Variants in ZNF775 observed in about 807,000 individuals in gnomAD.
The protein encoded by ZNF775 is zinc finger protein 775.
ZNF775 carries 1 observed loss-of-function variant against 2.4 expected under a neutral mutation model. That is an observed-to-expected ratio of 0.41 (90% CI 0.15 to 1.94). The LOEUF (loss-of-function observed/expected upper bound fraction) is 1.94. ZNF775 is among the 30% of genes most tolerant of loss of function. The probability of loss-of-function intolerance (pLI) is 0.30; values close to 1 mark genes in which losing one functional copy is unlikely to be tolerated. For synonymous variants in ZNF775, 381 were observed against 373.3 expected, an observed-to-expected ratio of 1.02 and a Z score of -0.24; for missense variants, 823 against 826.6, an observed-to-expected ratio of 1.00 and a Z score of 0.05.
At chr7:150,395,052 C>G (rs1800625604) in intron 2 of ZNF775, among the ~76,000 whole-genome samples, 1 of 152,110 alleles carries the variant, frequency 6.6e-6, no homozygotes, top group African/African-American at 2.4e-5. Flanking sequence ...GCTTTAGCAG[C>G]ACCTGTTTAT....
chr7:150,395,116 G>T (rs1327923213), intron 2 of ZNF775, among the ~76,000 whole-genome samples: 1 of 152,168 alleles, frequency 6.6e-6, no homozygotes, highest in African/African-American at 2.4e-5. Context: ...GTTCTTCTCA[G>T]TCTCTTTTAG....
At chr7:150,387,969 G>C (rs147226821) in intron 1 of ZNF775, among the ~76,000 whole-genome samples, 1 of 152,168 alleles carries the variant, frequency 6.6e-6, no homozygotes, top group Non-Finnish European at 1.5e-5. Context: ...GGCGGGTGAC[G>C]GAGGAAACGT....
chr7:150,392,668 G>A lies in ZNF775; in HGVS notation c.32-3845G>A, dbSNP rs566563260. 4.6e-4 allele frequency among the ~76,000 whole-genome samples: 70 copies of A among 151,612 alleles called. 3 individuals carry two copies. In the South Asian group the frequency reaches 0.014, roughly 31 times the overall value. The stretch of plus-strand genomic sequence containing the variant: ...CCCACCTCAGCCTCCAGAGTAGCTG[G>A]GACTACAGGTGTGCACCACCACACC... On this transcript the variant is annotated intron_variant, in intron 2 of 2. Transcript: ENST00000329630.
At chr7:150,383,191 C>T (rs981428022) in intron 1 of ZNF775, among the ~76,000 whole-genome samples, 1 of 151,998 alleles carries the variant, frequency 6.6e-6, no homozygotes, top group African/African-American at 2.4e-5. Flanking sequence ...TTCTTATGTC[C>T]CTATGATCAT....
chr7:150,397,189 C>A lies in ZNF775; in HGVS notation c.708C>A (p.Ala236=). The A allele has an allele frequency of 8.4e-7, 1 of 1,187,480 alleles. No homozygotes were observed. Among genetic ancestry groups the A allele is most frequent in the Non-Finnish European group, 1.0e-6 (1 of 960,520 alleles). 73.6% of individuals were successfully genotyped at this position (1,187,480 alleles called of 1,614,324 possible). A position where few individuals can be genotyped will look rare whatever the true frequency, so the allele number is the denominator to read the frequency against. ...ELIQDAAARR[A]CRLQPGPPRG... ...TTCAGGACGCGGCGGCGCGCCGGGC[C>A]TGTCGCCTGCAGCCGGGGCCGCCGC... is the stretch of plus-strand genomic sequence containing the variant. Residue 236 remains alanine, a synonymous_variant, in exon 3 of 3, where the codon GCC becomes GCA. Transcript: ENST00000329630.
chr7:150,397,666 T>C lies in ZNF775; in HGVS notation c.1185T>C (p.Val395=). Residue 395 remains valine (V), a synonymous_variant, in exon 3 of 3, where the codon GTT becomes GTC. Coordinates refer to ENST00000329630, the MANE Select transcript of ZNF775 (RefSeq NM_173680.4). ...CCCACGCTGTCGCTGAGCCCGCCGT[T>C]CCGGCCGGGGAACCGGGCGACCAGC... ...QRAHAVAEPA[V]PAGEPGDQPQ... 7.5e-7 allele frequency: 1 copy of C among 1,326,622 alleles called. No individual in the cohort carries two copies. The highest frequency in any genetic ancestry group is 9.6e-7 in the Non-Finnish European group (1 of 1,043,622). The allele number at this position is 1,326,622 out of a possible 1,614,324, so 82.2% of individuals were successfully genotyped here. A position where few individuals can be genotyped will look rare whatever the true frequency, so the allele number is the denominator to read the frequency against.
At position 150,384,438 on chromosome 7, in the gene ZNF775, G is replaced by A. The variant is rs1800417593; in HGVS notation, c.-49-3984G>A. Among the ~76,000 whole-genome samples the A allele has an allele frequency of 6.6e-6, 1 of 152,248 alleles. No homozygotes were observed. The highest frequency in any genetic ancestry group is 2.4e-5 in the African/African-American group (1 of 41,458). On this transcript the variant is annotated intron_variant, in intron 1 of 2. Coordinates refer to ENST00000329630, the MANE Select transcript of ZNF775 (RefSeq NM_173680.4). This position sits in a 1 kb window ranked among gnomAD's most constrained non-coding sequence, Gnocchi z 4.1. ...TGGTAGGTTAGGAGGGGCCCGCCAT[G>A]CACAGAGCAGAGTGAAAGGCAGAAT...
intron 1 of ZNF775, among the ~76,000 whole-genome samples, chr7:150,385,666 C>A (rs1800439777): frequency 6.6e-6 from 1 of 152,230 alleles, no homozygotes; most frequent in South Asian, 2.1e-4. Context: ...AGCAAGAGGA[C>A]TGGACATTAC....
intron 2 of ZNF775, among the ~76,000 whole-genome samples, chr7:150,392,545 ATCTCTCTCTCTCTCTCTCTCTCTC>A (rs56067146): frequency 7.3e-6 from 1 of 136,658 alleles, no homozygotes; most frequent in East Asian, 2.1e-4. Context: ...TCCCAAATGG[ATCTCTCTCTCTCTCTCTCTCTCTC>A]TCTCTCTCTC....
chr7:150,390,994 T>C (rs1800549479), intron 2 of ZNF775, among the ~76,000 whole-genome samples: 1 of 152,268 alleles, frequency 6.6e-6, no homozygotes, highest in Non-Finnish European at 1.5e-5. Context: ...TTTAAATTTT[T>C]GTTGGTATGA....
chr7:150,386,549 G>A (rs951769343), intron 1 of ZNF775, among the ~76,000 whole-genome samples: 1 of 152,110 alleles, frequency 6.6e-6, no homozygotes, highest in Non-Finnish European at 1.5e-5. Flanking sequence ...GGGTCTCTGC[G>A]AGGCTCTCGG....
At chr7:150,383,718 G>C (rs1407273223) in intron 1 of ZNF775, 1 of 152,376 alleles carries the variant, frequency 6.6e-6, no homozygotes, top group African/African-American at 2.4e-5. Context: ...CTTTGGCTGG[G>C]GTTTGGGGAG....
At chr7:150,390,384 C>T (rs1001490193) in intron 2 of ZNF775, among the ~76,000 whole-genome samples, 4 of 152,198 alleles carry the variant, frequency 2.6e-5, no homozygotes, top group Admixed American at 6.5e-5. Context: ...TCCTGGGGCT[C>T]TCTGGCCCAC....
At chr7:150,388,022 C>T (rs1188275915) in intron 1 of ZNF775, among the ~76,000 whole-genome samples, 4 of 152,190 alleles carry the variant, frequency 2.6e-5, no homozygotes, top group South Asian at 2.1e-4. Flanking sequence ...CATGGCCAGT[C>T]GCAGACATGT....
intron 2 of ZNF775, among the ~76,000 whole-genome samples, chr7:150,389,894 T>TTA (rs1800528489): frequency 3.9e-5 from 1 of 25,550 alleles, no homozygotes; most frequent in South Asian, 7.2e-4. Flanking sequence ...TGTGTGTGTG[T>TTA]GTGTGTGTGT....
chr7:150,381,518 C>G (rs918466694), intron 1 of ZNF775, among the ~76,000 whole-genome samples: 4 of 152,180 alleles, frequency 2.6e-5, no homozygotes, highest in Non-Finnish European at 4.4e-5. Context: ...GAATGTCTCT[C>G]AGAGTCCTCT....
Position 150,384,165 on chromosome 7 carries a change from G to C in ZNF775, c.-49-4257G>C, listed in dbSNP as rs931370885. Among the ~76,000 whole-genome samples, 2 of 152,226 alleles carry C rather than the reference G, an allele frequency of 1.3e-5. No homozygotes were observed. The highest frequency in any genetic ancestry group is 4.1e-4 in the South Asian group (2 of 4,838). On this transcript the variant is annotated intron_variant, in intron 1 of 2. Transcript: ENST00000329630. This position sits in a 1 kb window ranked among gnomAD's most constrained non-coding sequence, Gnocchi z 4.1. ...GCGGAGGGCCGGGCCAGGGCCAGGCGTGGGAAGGGGGCCCCTGTGTGTCCT... is the reference window on the plus strand; with the variant it reads ...GCGGAGGGCCGGGCCAGGGCCAGGCCTGGGAAGGGGGCCCCTGTGTGTCCT...
At chr7:150,385,499 G>A (rs966163124) in intron 1 of ZNF775, among the ~76,000 whole-genome samples, 3 of 58,826 alleles carry the variant, frequency 5.1e-5, no homozygotes, top group Non-Finnish European at 1.2e-4. Context: ...AAAGACGGGA[G>A]CTCTGAGCCT....
chr7:150,396,840 C>A lies in ZNF775; in HGVS notation c.359C>A (p.Ser120Ter), dbSNP rs758218469. ...TGCGGGAAGAGGTTCAGCTGGTGGT[C>A]GTCCCTGAAGATCCACCAGCGCACC... ...LDCGKRFSWW[S>*]SLKIHQRTHT... is the part of the protein sequence containing the mutation. The change falls in exon 3 of 3, where the codon TCG becomes TAG. Residue 120 changes from serine to a stop codon, truncating the protein, a stop_gained. Coordinates refer to ENST00000329630, the MANE Select transcript of ZNF775 (RefSeq NM_173680.4). LOFTEE classifies it low-confidence loss of function (END_TRUNC). 6.2e-7 allele frequency: 1 copy of A among 1,602,018 alleles called. No individual in the cohort carries two copies. The highest frequency in any genetic ancestry group is 8.5e-7 in the Non-Finnish European group (1 of 1,178,998).
Sources: gnomAD v4.1 joint callset for allele counts (sites outside exome capture counted in the v4.1 genomes callset) on GRCh38, gnomAD v4.1.1 for gene constraint, Gnocchi (gnomAD v3.1) non-coding constraint, MANE v1.5 for transcripts, NCBI Gene and HGNC (gene_info 2026-07-23, HGNC 2026-07-21) for gene names.